MYO3B: variants seen among roughly 807,000 people sequenced by gnomAD.
MYO3B encodes the protein myosin-IIIb.
In MYO3B, 156 loss-of-function variants were observed where a neutral mutation model predicts 174.6. The ratio of observed to expected loss-of-function variants is 0.89; its 90% confidence interval spans 0.78 to 1.02. MYO3B has a LOEUF of 1.02. Among genes scored for constraint, MYO3B ranks in the 50% least tolerant of loss-of-function variants. MYO3B has a pLI of 0.00. For missense variants in MYO3B, 1,632 were observed against 1,639.4 expected (o/e 1.00, Z 0.08); for synonymous variants, 563 against 569.1 (o/e 0.99, Z 0.15).
intron 2 of MYO3B, 49 bp downstream of exon 2, chr2:170,199,440 C>A: frequency 7.5e-7 from 1 of 1,333,750 alleles, no homozygotes; most frequent in Non-Finnish European, 1.0e-6. Flanking sequence ...TTTATGCACA[C>A]TGAGTTTTCA....
intron 22 of MYO3B, among the ~76,000 whole-genome samples, chr2:170,422,321 G>T (rs1558985969): frequency 6.6e-6 from 1 of 152,092 alleles, no homozygotes; most frequent in Non-Finnish European, 1.5e-5. Context: ...CCCTGCCTCA[G>T]CCCCCCAAGT....
chr2:170,341,016 A>G (rs953297949), intron 8 of MYO3B: 3 of 152,166 alleles, frequency 2.0e-5, no homozygotes, highest in Admixed American at 2.0e-4. Flanking sequence ...AGCCCTCTAA[A>G]TGACATTCAA....
At chr2:170,433,241 C>T (rs1166154946) in intron 22 of MYO3B, among the ~76,000 whole-genome samples, 1 of 151,978 alleles carries the variant, frequency 6.6e-6, no homozygotes, top group Non-Finnish European at 1.5e-5. Flanking sequence ...TAGCATAGCC[C>T]AGGTGTGTCA....
chr2:170,402,768 G>A, intron 18 of MYO3B, 80 bp from the exon 19 acceptor site: 1 of 1,357,666 alleles, frequency 7.4e-7, no homozygotes, highest in Non-Finnish European at 9.8e-7. Context: ...GAGCTGATAA[G>A]CACTTGGGCA....
intron 6 of MYO3B, among the ~76,000 whole-genome samples, chr2:170,230,461 G>A (rs953475666): frequency 1.4e-5 from 2 of 146,770 alleles, no homozygotes; most frequent in Admixed American, 7.1e-5. Flanking sequence ...GATTATAGGC[G>A]TGAGCCACCA....
At chr2:170,628,202 G>C (rs1696629111) in intron 32 of MYO3B, among the ~76,000 whole-genome samples, 1 of 152,234 alleles carries the variant, frequency 6.6e-6, no homozygotes, top group Non-Finnish European at 1.5e-5. Flanking sequence ...CACCCAGTTC[G>C]AGCTTCCTGG....
intron 7 of MYO3B, among the ~76,000 whole-genome samples, chr2:170,251,594 A>T (rs924409986): frequency 6.6e-6 from 1 of 152,190 alleles, no homozygotes; most frequent in African/African-American, 2.4e-5. Context: ...AGACAGACAC[A>T]TAGAGGTCCA....
At chr2:170,357,095 T>C (rs1463855762) in intron 8 of MYO3B, among the ~76,000 whole-genome samples, 1 of 152,044 alleles carries the variant, frequency 6.6e-6, no homozygotes, top group Non-Finnish European at 1.5e-5. Flanking sequence ...CCTAGTCTGT[T>C]TTTATATCAT....
At chr2:170,192,467 TTAATC>T in intron 1 of MYO3B, among the ~76,000 whole-genome samples, 1 of 151,262 alleles carries the variant, frequency 6.6e-6, no homozygotes. Flanking sequence ...TTTTTCTTGA[TTAATC>T]TATTTTATCT....
chr2:170,601,649 C>T (rs1186941100), intron 32 of MYO3B: 2 of 1,339,428 alleles, frequency 1.5e-6, no homozygotes, highest in East Asian at 4.6e-5. Context: ...CCTCATAATC[C>T]TCTTCATCTT....
chr2:170,360,007 G>A (rs2094149193), intron 8 of MYO3B, among the ~76,000 whole-genome samples: 1 of 152,050 alleles, frequency 6.6e-6, no homozygotes, highest in African/African-American at 2.4e-5. Flanking sequence ...TGTAAGTTTG[G>A]TATTACCCCA....
At chr2:170,438,281 G>C (rs913940476) in intron 22 of MYO3B, among the ~76,000 whole-genome samples, 1 of 151,786 alleles carries the variant, frequency 6.6e-6, no homozygotes, top group African/African-American at 2.4e-5. Context: ...TTTAAGGCTG[G>C]GTATTCAATT....
chr2:170,538,827 G>A (rs990090591), intron 30 of MYO3B, among the ~76,000 whole-genome samples: 14 of 152,100 alleles, frequency 9.2e-5, no homozygotes, highest in Non-Finnish European at 1.9e-4. Context: ...AATATGTGAT[G>A]AATTATACAA....
intron 22 of MYO3B, among the ~76,000 whole-genome samples, chr2:170,431,630 A>G (rs1264266923): frequency 6.6e-6 from 1 of 152,252 alleles, no homozygotes; most frequent in Non-Finnish European, 1.5e-5. Context: ...ATGCCAGACA[A>G]TTACCAATTA....
Position 170,438,924 on chromosome 2 carries a change from G to T in MYO3B, c.2651-5043G>T, listed in dbSNP as rs967219477. Reference sequence around the variant, plus strand: ...TGGGATTACAGGTGTGAGCCACCGTGCCCGGCCAAGGATGAGGTAATATTT... The same window carrying T: ...TGGGATTACAGGTGTGAGCCACCGTTCCCGGCCAAGGATGAGGTAATATTT... On this transcript the variant is annotated intron_variant, in intron 22 of 34. Transcript: ENST00000408978. 6.6e-5 allele frequency among the ~76,000 whole-genome samples: 10 copies of T among 152,004 alleles called. No individual in the cohort carries two copies. In the East Asian group the frequency reaches 1.7e-3, roughly 27 times the overall value.
chr2:170,631,502 C>T (rs1473328468), intron 32 of MYO3B, among the ~76,000 whole-genome samples: 2 of 151,858 alleles, frequency 1.3e-5, no homozygotes, highest in Non-Finnish European at 2.9e-5. Flanking sequence ...GAGAACTTCC[C>T]CAACCTAGCA....
Position 170,233,359 on chromosome 2 carries a change from C to T in MYO3B, c.604-2632C>T, listed in dbSNP as rs112458828. ...CTTATTTCTCTCTCCCTCACAGGCCCTATCACAGTGTCATGAATAACAGTG... is the reference window on the plus strand; with the variant it reads ...CTTATTTCTCTCTCCCTCACAGGCCTTATCACAGTGTCATGAATAACAGTG... On this transcript the variant is annotated intron_variant, in intron 6 of 34. Transcript: ENST00000408978. 6.3e-3 allele frequency among the ~76,000 whole-genome samples: 963 copies of T among 152,300 alleles called. 8 individuals carry two copies. The highest frequency in any genetic ancestry group is 0.026 in the South Asian group (124 of 4,822).
rs186537703 is a variant in MYO3B at position 170,587,793 on chromosome 2, A to C, written c.3733+43805A>C. On this transcript the variant is annotated intron_variant, in intron 32 of 34. Coordinates refer to ENST00000408978, the MANE Select transcript of MYO3B (RefSeq NM_138995.5). ...TTACTGTTAGCTGTAGATGATTTAA[A>C]CAATTCAAGACTTGTTATTCACTAC... Among the ~76,000 whole-genome samples, 10 of 152,332 alleles carry C rather than the reference A, an allele frequency of 6.6e-5. No individual in the cohort carries two copies. The East Asian group carries it at 1.9e-3, about 29-fold the overall frequency.
In MYO3B at chr2:170,491,278, T is replaced by C. The variant is rs1460417818; in HGVS notation, c.3015-7314T>C. On this transcript the variant is annotated intron_variant, in intron 25 of 34. Coordinates refer to ENST00000408978, the MANE Select transcript of MYO3B (RefSeq NM_138995.5). ...ATTTAAAGTACTTTCCAATTTTCTTTTTGATTTTTTCTCTGGCCTCTGGTA... is the reference window on the plus strand; with the variant it reads ...ATTTAAAGTACTTTCCAATTTTCTTCTTGATTTTTTCTCTGGCCTCTGGTA... 2.6e-5 allele frequency among the ~76,000 whole-genome samples: 4 copies of C among 152,272 alleles called. No individual in the cohort carries two copies. The East Asian group carries it at 7.7e-4, about 29-fold the overall frequency.
Sources: gnomAD v4.1 joint callset for allele counts (sites outside exome capture counted in the v4.1 genomes callset) on GRCh38, gnomAD v4.1.1 for gene constraint, MANE v1.5 for transcripts, NCBI Gene and HGNC (gene_info 2026-07-23, HGNC 2026-07-21) for gene names.